The following CNTFR variants were observed in gnomAD, a reference collection of about 807,000 sequenced individuals.
CNTFR encodes the protein ciliary neurotrophic factor receptor subunit alpha.
CNTFR carries 12 observed loss-of-function variants against 40.4 expected under a neutral mutation model. The observed-to-expected ratio is 0.30, with a 90% CI of 0.19 to 0.48. The LOEUF is 0.48. CNTFR is among the 20% of genes least tolerant of loss of function. The pLI is 0.99. For synonymous variants in CNTFR, 202 were observed against 209.6 expected (o/e 0.96, Z 0.31); for missense variants, 414 against 506.8 (o/e 0.82, Z 1.76).
At chr9:34,587,718 A>G (rs773779980) in intron 1 of CNTFR, among the ~76,000 whole-genome samples, 15 of 152,150 alleles carry the variant, frequency 9.9e-5, no homozygotes, top group African/African-American at 1.4e-4. Context: ...GTCCCAGAAT[A>G]TAAGTGTGAA....
chr9:34,583,344 G>T (rs951795192), intron 1 of CNTFR, among the ~76,000 whole-genome samples: 10 of 152,210 alleles, frequency 6.6e-5, no homozygotes, highest in Admixed American at 6.5e-4. Flanking sequence ...ATATGGCCTA[G>T]GGGCCCACAT....
chr9:34,564,479 G>C (rs983526578), intron 4 of CNTFR, 120 bp downstream of exon 4: 2 of 945,790 alleles, frequency 2.1e-6, no homozygotes, highest in Non-Finnish European at 3.3e-6. Flanking sequence ...AGAGGGCAAG[G>C]GTCAGGCTGC....
intron 1 of CNTFR, among the ~76,000 whole-genome samples, chr9:34,582,058 G>C (rs1827316595): frequency 6.6e-6 from 1 of 152,146 alleles, no homozygotes; most frequent in South Asian, 2.1e-4. Flanking sequence ...TGGATCACCT[G>C]AGCTTAGGAG....
Position 34,564,728 on chromosome 9 carries a change from G to C in CNTFR, c.190C>G (p.Leu64Val). The change falls in exon 4 of 10, where the codon CTG becomes GTG. Residue 64 changes from leucine to valine, a missense_variant. By Grantham distance (32) the Leu-to-Val change is conservative (BLOSUM62 1). This residue lies in a region of CNTFR where 250 missense variants were observed against 269.5 expected (regional missense o/e 0.93). Transcript: ENST00000378980. ...GAGCCGTTGAGCAGGTCAGGGGCCAGGTCTGTCCCATTTACCCGCCACGTC... is the reference window on the plus strand; with the variant it reads ...GAGCCGTTGAGCAGGTCAGGGGCCACGTCTGTCCCATTTACCCGCCACGTC... Reference protein sequence around the residue: ...AVTWRVNGTDLAPDLLNGSQL... With the variant: ...AVTWRVNGTDVAPDLLNGSQL... 1 of 1,614,130 alleles carries C rather than the reference G, an allele frequency of 6.2e-7. No individual in the cohort carries two copies. Among genetic ancestry groups the C allele is most frequent in the Non-Finnish European group, 8.5e-7 (1 of 1,180,014 alleles).
At chr9:34,571,229 G>C (rs1050605364) in intron 2 of CNTFR, 1 of 152,374 alleles carries the variant, frequency 6.6e-6, no homozygotes, top group Non-Finnish European at 1.5e-5. Context: ...TGGTGTAAGA[G>C]AGAGAAAACG....
intron 4 of CNTFR, 70 bp downstream of exon 4, chr9:34,564,529 T>A (rs1826196451): frequency 7.2e-7 from 1 of 1,385,926 alleles, no homozygotes; most frequent in Non-Finnish European, 1.0e-6. Flanking sequence ...GGAAGGGGAC[T>A]TGATCTGGGC....
chr9:34,566,434 G>A (rs1826296084), intron 3 of CNTFR, among the ~76,000 whole-genome samples: 1 of 152,132 alleles, frequency 6.6e-6, no homozygotes, highest in Non-Finnish European at 1.5e-5. Context: ...CCACAGCTGT[G>A]AGGCTGGACC....
intron 2 of CNTFR, among the ~76,000 whole-genome samples, chr9:34,571,851 A>G (rs1826676565): frequency 6.6e-6 from 1 of 152,040 alleles, no homozygotes; most frequent in Non-Finnish European, 1.5e-5. Context: ...ACCCAGAGGG[A>G]CAAGGAGAGG....
intron 3 of CNTFR, chr9:34,567,950 G>A (rs1018962628): frequency 6.6e-6 from 1 of 152,224 alleles, no homozygotes; most frequent in Admixed American, 6.5e-5. Flanking sequence ...ATCTCTCCGG[G>A]TCTCACTGAT....
chr9:34,551,930 C>T lies in CNTFR; in HGVS notation c.*141G>A, dbSNP rs1322718931. ...TGGGGGGCGGCAGGCCCGGGCCCGC[C>T]GGGGTCTCCACAAATTGTGTCTGAA... On this transcript the variant is annotated 3_prime_UTR_variant, in exon 10 of 10. Transcript: ENST00000378980. 9 of 723,464 alleles carry T rather than the reference C, an allele frequency of 1.2e-5. No homozygotes were observed. The highest frequency in any genetic ancestry group is 3.5e-5 in the African/African-American group (2 of 57,314). The allele number at this position is 723,464 out of a possible 1,614,324, so 44.8% of individuals were successfully genotyped here.
At chr9:34,564,440 A>G (rs542786249) in intron 4 of CNTFR, among the ~76,000 whole-genome samples, 159 bp downstream of exon 4, 7 of 152,344 alleles carry the variant, frequency 4.6e-5, no homozygotes, top group Admixed American at 1.3e-4. Context: ...CTGGGCTCAG[A>G]GGCCAGAAGA....
chr9:34,568,433 GCCTGTCCCTTCGTCTCA>G (rs1431941384), intron 3 of CNTFR, among the ~76,000 whole-genome samples: 2 of 152,076 alleles, frequency 1.3e-5, no homozygotes, highest in South Asian at 2.1e-4. Flanking sequence ...CCGCATGTTA[GCCTGTCCCTTCGTCTCA>G]TTCTCAGTCC....
At chr9:34,584,202 A>T (rs984439591) in intron 1 of CNTFR, among the ~76,000 whole-genome samples, 3 of 152,052 alleles carry the variant, frequency 2.0e-5, no homozygotes, top group African/African-American at 7.2e-5. Context: ...GTATCTCCAG[A>T]CTCTCTTAGA....
At chr9:34,588,011 A>T (rs1259870063) in intron 1 of CNTFR, among the ~76,000 whole-genome samples, 1 of 152,154 alleles carries the variant, frequency 6.6e-6, no homozygotes, top group Non-Finnish European at 1.5e-5. Context: ...GAAGGAGCTG[A>T]AGTGTCCCAG....
intron 4 of CNTFR, among the ~76,000 whole-genome samples, chr9:34,562,131 T>C (rs1826101281): frequency 6.6e-6 from 1 of 152,192 alleles, no homozygotes; most frequent in South Asian, 2.1e-4. Flanking sequence ...GTCAGTCTTG[T>C]CCATCCTGAG....
At chr9:34,564,511 C>T (rs1184404110) in intron 4 of CNTFR, 88 bp downstream of exon 4, 1 of 1,224,812 alleles carries the variant, frequency 8.2e-7, no homozygotes, top group Non-Finnish European at 1.2e-6. Context: ...CTCCATGTCC[C>T]CCTAACAGGA....
At chr9:34,565,766 G>T (rs1174800421) in intron 3 of CNTFR, among the ~76,000 whole-genome samples, 1 of 152,210 alleles carries the variant, frequency 6.6e-6, no homozygotes, top group Admixed American at 6.5e-5. Context: ...AGTGGGGGAA[G>T]CGATCAGGGC....
At chr9:34,564,482 C>A in intron 4 of CNTFR, 117 bp downstream of exon 4, 1 of 966,300 alleles carries the variant, frequency 1.0e-6, no homozygotes, top group South Asian at 1.5e-5. Context: ...GGGCAAGGGT[C>A]AGGCTGCAGC....
At chr9:34,588,535 C>T (rs1018073586) in intron 1 of CNTFR, among the ~76,000 whole-genome samples, 1 of 152,216 alleles carries the variant, frequency 6.6e-6, no homozygotes, top group Non-Finnish European at 1.5e-5. Context: ...AGACACACTC[C>T]TACAGCGGCA....
Sources: gnomAD v4.1 joint callset for allele counts (sites outside exome capture counted in the v4.1 genomes callset) on GRCh38, gnomAD v4.1.1 for gene constraint, gnomAD v4.1.1 regional missense constraint, MANE v1.5 for transcripts, NCBI Gene and HGNC (gene_info 2026-07-23, HGNC 2026-07-21) for gene names.